Variants in ZFPM2 observed in about 807,000 individuals in gnomAD.
The protein encoded by ZFPM2 is zinc finger protein, FOG family member 2.
Under a neutral mutation model 98.6 loss-of-function variants are expected in ZFPM2, and 20 were observed. The ratio of observed to expected loss-of-function variants is 0.20; its 90% CI spans 0.14 to 0.29. ZFPM2 has a LOEUF of 0.29. ZFPM2 is among the 10% of genes least tolerant of loss of function. The probability of loss-of-function intolerance (pLI) is 1.00; values close to 1 mark genes in which losing one functional copy is unlikely to be tolerated. For missense variants in ZFPM2, 1,310 were observed against 1,388.6 expected (o/e 0.94, Z 0.90); for synonymous variants, 518 against 502.7 (o/e 1.03, Z -0.41).
At chr8:105,634,179 C>T in intron 4 of ZFPM2, 67 bp from the exon 5 acceptor site, 2 of 1,151,044 alleles carry the variant, frequency 1.7e-6, no homozygotes, top group East Asian at 2.5e-5. Context: ...ATGATTAGTA[C>T]AGTTATTATT....
chr8:105,399,116 C>T lies in ZFPM2; in HGVS notation c.41-20028C>T, dbSNP rs550141803. 5.9e-5 allele frequency among the ~76,000 whole-genome samples: 9 copies of T among 152,278 alleles called. No individual in the cohort carries two copies. In the South Asian group the frequency reaches 1.9e-3, roughly 32 times the overall value. The stretch of plus-strand genomic sequence containing the variant: ...GGAAGGGAGGAGTTTGAGTTTATCT[C>T]CAAGGAGTAGGGCCAACGGCCAACT... On this transcript the variant is annotated intron_variant, in intron 1 of 7. Coordinates refer to ENST00000407775, the MANE Select transcript of ZFPM2 (RefSeq NM_012082.4).
chr8:105,594,921 C>A (rs1815936270), intron 4 of ZFPM2, among the ~76,000 whole-genome samples: 1 of 152,078 alleles, frequency 6.6e-6, no homozygotes, highest in African/African-American at 2.4e-5. Context: ...GATACATAAA[C>A]ATATAACTAT....
At chr8:105,515,911 CTTTTTTTTT>C (rs34183654) in intron 3 of ZFPM2, among the ~76,000 whole-genome samples, 5 of 89,282 alleles carry the variant, frequency 5.6e-5, no homozygotes, top group African/African-American at 1.4e-4. Flanking sequence ...AAAACAACTT[CTTTTTTTTT>C]TTTTTTTTTT....
At chr8:105,583,344 G>A (rs573936400) in intron 4 of ZFPM2, among the ~76,000 whole-genome samples, 83 of 151,480 alleles carry the variant, frequency 5.5e-4, no homozygotes, top group Non-Finnish European at 1.0e-3. Flanking sequence ...ATTTTTCCTA[G>A]TATCTGGGTG....
At chr8:105,327,499 A>G (rs1341472796) in intron 1 of ZFPM2, among the ~76,000 whole-genome samples, 1 of 151,728 alleles carries the variant, frequency 6.6e-6, no homozygotes, top group East Asian at 1.9e-4. Context: ...ATTGAGGAAT[A>G]GAAGATTAAA....
At chr8:105,567,492 T>C (rs1190290212) in intron 4 of ZFPM2, among the ~76,000 whole-genome samples, 1 of 152,096 alleles carries the variant, frequency 6.6e-6, no homozygotes, top group African/African-American at 2.4e-5. Flanking sequence ...ATTGCCTTGA[T>C]AGTGAACATT....
intron 3 of ZFPM2, among the ~76,000 whole-genome samples, chr8:105,519,183 A>T (rs547247959): frequency 6.6e-6 from 1 of 152,246 alleles, no homozygotes; most frequent in Non-Finnish European, 1.5e-5. Context: ...TATAGCTAGT[A>T]AGTGGCCAAT....
Position 105,788,769 on chromosome 8 carries a change from T to G in ZFPM2, c.584T>G (p.Leu195Arg). ...TTKAISEGEE[L>R]IAFVVDFDSR... is the part of the protein sequence containing the mutation. ...AAGGCCATCTCTGAGGGTGAAGAGC[T>G]AATTGCCTTTGTGGTGGATTTTGAC... Residue 195 changes from leucine (L) to arginine (R), a missense_variant, in exon 6 of 8, where the codon CTA (leucine) becomes CGA (arginine). Leu to Arg is a moderately radical substitution (Grantham distance 102). Coordinates refer to ENST00000407775, the MANE Select transcript of ZFPM2 (RefSeq NM_012082.4). The G allele has an allele frequency of 6.2e-7, 1 of 1,614,008 alleles. No individual in the cohort carries two copies. Among genetic ancestry groups the G allele is most frequent in the Non-Finnish European group, 8.5e-7 (1 of 1,179,878 alleles).
chr8:105,792,803 CTCT>C (rs1483601217), intron 6 of ZFPM2, among the ~76,000 whole-genome samples: 1 of 152,134 alleles, frequency 6.6e-6, no homozygotes, highest in Non-Finnish European at 1.5e-5. Context: ...GGATAGTTAG[CTCT>C]TCTTGTTGAA....
At chr8:105,588,313 A>G (rs1277504662) in intron 4 of ZFPM2, among the ~76,000 whole-genome samples, 1 of 152,034 alleles carries the variant, frequency 6.6e-6, no homozygotes, top group East Asian at 1.9e-4. Flanking sequence ...CCCCCAAAAT[A>G]CTCACGGTTT....
intron 1 of ZFPM2, among the ~76,000 whole-genome samples, chr8:105,375,300 G>T (rs2129836879): frequency 6.6e-6 from 1 of 152,270 alleles, no homozygotes; most frequent in African/African-American, 2.4e-5. Flanking sequence ...AGAGCCCTAA[G>T]ACTACCAACT....
chr8:105,650,384 T>C (rs1340176751), intron 5 of ZFPM2, among the ~76,000 whole-genome samples: 1 of 152,216 alleles, frequency 6.6e-6, no homozygotes, highest in Non-Finnish European at 1.5e-5. Flanking sequence ...CCTTCAGTTC[T>C]GCTCTGATCT....
In ZFPM2 at chr8:105,798,817, G is replaced by A; in HGVS notation, c.833G>A (p.Arg278Lys). The change falls in exon 7 of 8, where the codon AGA becomes AAA. Residue 278 changes from arginine (R) to lysine (K), a missense_variant. Arg to Lys is a conservative substitution (Grantham distance 26). Transcript: ENST00000407775. ...HLMYYCSGRQ[R>K]EAAPVSEENE... ...ATGTACTACTGCAGTGGGAGGCAAA[G>A]AGAAGCTGCTCCGGTGTCAGAGGAA... The A allele has an allele frequency of 6.2e-7, 1 of 1,613,976 alleles. No homozygotes were observed. The highest frequency in any genetic ancestry group is 8.5e-7 in the Non-Finnish European group (1 of 1,179,870).
At chr8:105,429,973 C>T (rs771508224) in intron 2 of ZFPM2, among the ~76,000 whole-genome samples, 1 of 152,036 alleles carries the variant, frequency 6.6e-6, no homozygotes, top group African/African-American at 2.4e-5. Context: ...CAATGATAGA[C>T]CTAGGACAGT....
chr8:105,621,533 G>T (rs765463780), intron 4 of ZFPM2, among the ~76,000 whole-genome samples: 1 of 152,106 alleles, frequency 6.6e-6, no homozygotes, highest in Admixed American at 6.5e-5. Flanking sequence ...TCTCCTGCCT[G>T]ATTGCCCTGG....
chr8:105,573,490 C>T (rs1318071524), intron 4 of ZFPM2, among the ~76,000 whole-genome samples: 1 of 152,044 alleles, frequency 6.6e-6, no homozygotes, highest in Non-Finnish European at 1.5e-5. Flanking sequence ...TGAATACAGA[C>T]AACAAAACTG....
intron 4 of ZFPM2, among the ~76,000 whole-genome samples, chr8:105,583,752 C>T (rs1815652923): frequency 6.6e-6 from 1 of 152,056 alleles, no homozygotes; most frequent in African/African-American, 2.4e-5. Context: ...AACATATGGG[C>T]TGGAATGCCG....
chr8:105,551,955 C>CTTA (rs3076222), intron 3 of ZFPM2, among the ~76,000 whole-genome samples: 1 of 151,314 alleles, frequency 6.6e-6, no homozygotes, highest in African/African-American at 2.4e-5. Flanking sequence ...GTGATAAGTT[C>CTTA]TAAGTGAATT....
chr8:105,469,413 C>T (rs1294595229), intron 3 of ZFPM2, among the ~76,000 whole-genome samples: 7 of 152,200 alleles, frequency 4.6e-5, no homozygotes, highest in Admixed American at 2.6e-4. Context: ...TTTATGACTG[C>T]GTCTTCCATT....
Sources: gnomAD v4.1 joint callset for allele counts (sites outside exome capture counted in the v4.1 genomes callset) on GRCh38, gnomAD v4.1.1 for gene constraint, MANE v1.5 for transcripts, NCBI Gene and HGNC (gene_info 2026-07-23, HGNC 2026-07-21) for gene names.